The following TULP4 variants were observed in gnomAD, a reference collection of about 807,000 sequenced individuals.
TULP4 encodes the protein tubby-related protein 4.
Under a neutral mutation model 129.0 loss-of-function variants are expected in TULP4, and 16 were observed. The ratio of observed to expected loss-of-function variants is 0.12; its 90% CI spans 0.08 to 0.19. The LOEUF (loss-of-function observed/expected upper bound fraction) is 0.19. Among genes scored for constraint, TULP4 ranks in the 10% least tolerant of loss-of-function variants. The pLI, the probability that TULP4 is intolerant of heterozygous loss-of-function variation, is 1.00. For synonymous variants in TULP4, 998 were observed against 854.0 expected (o/e 1.17, Z -2.94); for missense variants, 1,842 against 2,059.1 (o/e 0.89, Z 2.04).
At chr6:158,438,466 T>G (rs1460168699) in intron 3 of TULP4, among the ~76,000 whole-genome samples, 2 of 152,224 alleles carry the variant, frequency 1.3e-5, no homozygotes, top group Non-Finnish European at 2.9e-5. Flanking sequence ...GTGTTCCTGC[T>G]GAGGGCTTCC....
At chr6:158,376,860 A>G (rs932607499) in intron 1 of TULP4, among the ~76,000 whole-genome samples, 1 of 152,202 alleles carries the variant, frequency 6.6e-6, no homozygotes, top group Non-Finnish European at 1.5e-5. Flanking sequence ...CAGCCATCCC[A>G]TGACCACAGG....
In TULP4 at chr6:158,422,230, C is replaced by A. The variant is rs563722655; in HGVS notation, c.382-7506C>A. 7.2e-5 allele frequency among the ~76,000 whole-genome samples: 11 copies of A among 152,060 alleles called. No homozygotes were observed. In the South Asian group the frequency reaches 2.3e-3, roughly 32 times the overall value. On this transcript the variant is annotated intron_variant, in intron 2 of 13. Transcript: ENST00000367097. Reference sequence around the variant, plus strand: ...ATCAACAAAATAGACAGATGTCTTGCAAAACTGATCAAGAGAAGAACACAG... The same window carrying A: ...ATCAACAAAATAGACAGATGTCTTGAAAAACTGATCAAGAGAAGAACACAG...
At chr6:158,364,732 T>G (rs967942597) in intron 1 of TULP4, among the ~76,000 whole-genome samples, 2 of 152,076 alleles carry the variant, frequency 1.3e-5, no homozygotes, top group Admixed American at 6.6e-5. Flanking sequence ...TAGATTTGTT[T>G]TTTGTTTGTT....
rs150522451 is a variant in TULP4, at chr6:158,236,034, G to A, written n.68+3731G>A. Reference sequence around the variant, plus strand: ...TTCCAGCACATCTTCCTGAAATTGCGGCTGATGCAGATGTTGTTTTTATTT... The same window carrying A: ...TTCCAGCACATCTTCCTGAAATTGCAGCTGATGCAGATGTTGTTTTTATTT... On this transcript the variant is annotated intron_variant and non_coding_transcript_variant, in intron 1 of 1. Transcript: ENST00000620026. 5.8e-4 allele frequency among the ~76,000 whole-genome samples: 89 copies of A among 152,228 alleles called. 1 individual carries two copies. Among genetic ancestry groups the A allele is most frequent in the African/African-American group, 1.9e-3 (81 of 41,540 alleles).
At position 158,415,394 on chromosome 6, in the gene TULP4, G is replaced by GTTT. The variant is rs530258283; in HGVS notation, c.381+2201_381+2202insTTT. 2.4e-3 allele frequency among the ~76,000 whole-genome samples: 343 copies of GTTT among 145,362 alleles called. 3 individuals are homozygous for GTTT. The highest frequency in any genetic ancestry group is 8.5e-3 in the African/African-American group (334 of 39,356). ...AGACGGAGTCACGCTCTGTCGCCCA[G>GTTT]GCTGGAGTGCAGGGGCACGATCTCA... On this transcript the variant is annotated intron_variant, in intron 2 of 13. Transcript: ENST00000367097.
chr6:158,257,396 T>C (rs1474446632), intron 1 of TULP4, among the ~76,000 whole-genome samples: 2 of 152,220 alleles, frequency 1.3e-5, no homozygotes, highest in Non-Finnish European at 2.9e-5. Flanking sequence ...ATGATGTGTC[T>C]TTTTAAAAAA....
intron 1 of TULP4, among the ~76,000 whole-genome samples, chr6:158,235,642 C>G (rs1249433200): frequency 6.6e-6 from 1 of 152,170 alleles, no homozygotes; most frequent in East Asian, 1.9e-4. Flanking sequence ...GCCACCACGC[C>G]CAGCCGAATT....
chr6:158,503,519 G>A lies in TULP4; in HGVS notation c.3856G>A (p.Val1286Met), dbSNP rs1351487220. ...QGTLPPKPHL[V>M]VEKPLVSPPP... is the part of the protein sequence containing the mutation. ...CACTCTCCCCCCAAAGCCACACTTG[G>A]TGGTGGAGAAGCCCCTTGTGTCCCC... is the stretch of plus-strand genomic sequence containing the variant. Residue 1286 changes from valine to methionine, a missense_variant, in exon 13 of 14, where the codon GTG (valine) becomes ATG (methionine). Around this residue, in one of 5 missense-constraint regions of TULP4, gnomAD observed 1,089 missense variants for 987.1 expected, o/e 1.10. Coordinates refer to ENST00000367097, the MANE Select transcript of TULP4 (RefSeq NM_020245.5). This position sits in a 1 kb window ranked among gnomAD's most constrained non-coding sequence, Gnocchi z 4.3. 2 of 1,613,872 alleles carry A rather than the reference G, an allele frequency of 1.2e-6. No individual in the cohort carries two copies. Among genetic ancestry groups the A allele is most frequent in the Admixed American group, 1.7e-5 (1 of 60,000 alleles).
At chr6:158,504,865 C>T (rs1780562376) in intron 13 of TULP4, among the ~76,000 whole-genome samples, 1 of 152,200 alleles carries the variant, frequency 6.6e-6, no homozygotes, top group African/African-American at 2.4e-5. Flanking sequence ...CAGATGGTGA[C>T]TTCCTAAGGA....
At chr6:158,339,360 C>T (rs1287065481) in intron 1 of TULP4, among the ~76,000 whole-genome samples, 4 of 152,126 alleles carry the variant, frequency 2.6e-5, no homozygotes, top group Admixed American at 6.5e-5. Flanking sequence ...AAGGTCAGGG[C>T]GAAACTAGAA....
chr6:158,240,397 C>T (rs1431167151), intron 1 of TULP4, among the ~76,000 whole-genome samples: 1 of 68,396 alleles, frequency 1.5e-5, no homozygotes. Flanking sequence ...CAGAGGGGCT[C>T]CTCACTTCCC....
chr6:158,504,287 C>A, intron 13 of TULP4, 109 bp downstream of exon 13: 1 of 867,038 alleles, frequency 1.2e-6, no homozygotes, highest in Non-Finnish European at 1.8e-6. Flanking sequence ...TGGAAAACAA[C>A]GAACACCTCT....
At chr6:158,422,459 T>C (rs1041073060) in intron 2 of TULP4, among the ~76,000 whole-genome samples, 2 of 152,182 alleles carry the variant, frequency 1.3e-5, no homozygotes, top group African/African-American at 2.4e-5. Flanking sequence ...AAATTAACTC[T>C]AGATGAATCA....
chr6:158,301,875 G>A (rs1174213168), intron 1 of TULP4, among the ~76,000 whole-genome samples: 2 of 27,822 alleles, frequency 7.2e-5, no homozygotes, highest in African/African-American at 2.3e-4. Context: ...AATGCCTAAA[G>A]TAGGTCTTAA....
At chr6:158,236,621 T>C (rs149754562) in intron 1 of TULP4, among the ~76,000 whole-genome samples, 1,670 of 152,048 alleles carry the variant, frequency 0.011, 34 homozygotes, top group African/African-American at 0.037. Flanking sequence ...TAATTTAAAG[T>C]GGAACTTGAA....
chr6:158,366,374 G>T (rs1780965137), intron 1 of TULP4, among the ~76,000 whole-genome samples: 1 of 152,148 alleles, frequency 6.6e-6, no homozygotes, highest in South Asian at 2.1e-4. Flanking sequence ...GGAAGTTCAG[G>T]CTCCTGCCCT....
intron 4 of TULP4, 98 bp from the exon 5 acceptor site, chr6:158,452,036 A>C: frequency 6.5e-7 from 1 of 1,544,890 alleles, no homozygotes; most frequent in Non-Finnish European, 8.8e-7. Flanking sequence ...CTGCATTGTC[A>C]GGCAATTTCT....
chr6:158,268,531 A>C (rs1342892063), intron 1 of TULP4, among the ~76,000 whole-genome samples: 4 of 152,224 alleles, frequency 2.6e-5, no homozygotes, highest in African/African-American at 7.2e-5. Context: ...TGAGAAGTCC[A>C]AGAGCAAGGC....
chr6:158,460,951 A>G (rs911042922), intron 5 of TULP4, among the ~76,000 whole-genome samples: 3 of 152,242 alleles, frequency 2.0e-5, no homozygotes, highest in South Asian at 4.1e-4. Context: ...TCTCATGGAA[A>G]TACTGGAATT....
Sources: gnomAD v4.1 joint callset for allele counts (sites outside exome capture counted in the v4.1 genomes callset) on GRCh38, gnomAD v4.1.1 for gene constraint, gnomAD v4.1.1 regional missense constraint, Gnocchi (gnomAD v3.1) non-coding constraint, MANE v1.5 for transcripts, NCBI Gene and HGNC (gene_info 2026-07-23, HGNC 2026-07-21) for gene names.